PLCH2: variants seen among roughly 807,000 people sequenced by gnomAD.
PLCH2 encodes the protein phospholipase C eta 2.
Under a neutral mutation model 134.7 loss-of-function variants are expected in PLCH2, and 98 were observed. That is an observed-to-expected ratio of 0.73 (90% confidence interval 0.62 to 0.86). The LOEUF (loss-of-function observed/expected upper bound fraction) is 0.86. PLCH2 is among the 40% of genes least tolerant of loss of function. The probability of loss-of-function intolerance (pLI) is 0.00; values close to 1 mark genes in which losing one functional copy is unlikely to be tolerated. For synonymous variants in PLCH2, 974 were observed against 827.5 expected (o/e 1.18, Z -3.04); for missense variants, 1,994 against 1,986.6 (o/e 1.00, Z -0.07).
chr1:2,480,948 C>T (rs1335568426), intron 4 of PLCH2, among the ~76,000 whole-genome samples: 1 of 152,244 alleles, frequency 6.6e-6, no homozygotes, highest in Non-Finnish European at 1.5e-5. Context: ...TGCTTTGCTG[C>T]AGCTTGGAAA....
chr1:2,503,904 T>TCCCCCCCCCCCCCCCCCCCCCCC lies in PLCH2; in HGVS notation c.2960-13_2960-12insCCCCCCCCCCCCCCCCCCCCCCC. On this transcript the variant is annotated splice_polypyrimidine_tract_variant and intron_variant, in intron 21 of 21. Coordinates refer to ENST00000378486, the MANE Select transcript of PLCH2 (RefSeq NM_014638.4). ...GCTTCTCCCTCTGGCTCTCTCTCAC[T>TCCCCCCCCCCCCCCCCCCCCCCC]CCCCCACCTCCCCACAGACACCCGC... 2 of 694,070 alleles carry TCCCCCCCCCCCCCCCCCCCCCCC rather than the reference T, an allele frequency of 2.9e-6. No individual in the cohort carries two copies. Among genetic ancestry groups the TCCCCCCCCCCCCCCCCCCCCCCC allele is most frequent in the Admixed American group, 2.4e-5 (1 of 41,732 alleles). 43.0% of individuals were successfully genotyped at this position (694,070 alleles called of 1,614,324 possible).
intron 4 of PLCH2, among the ~76,000 whole-genome samples, chr1:2,482,576 T>C (rs566037252): frequency 1.3e-5 from 2 of 152,194 alleles, no homozygotes; most frequent in Non-Finnish European, 2.9e-5. Flanking sequence ...AGCCTGTCCC[T>C]GGGGTCCTGA....
chr1:2,501,894 G>C, intron 20 of PLCH2: 1 of 495,984 alleles, frequency 2.0e-6, no homozygotes, highest in Middle Eastern at 5.1e-4. Flanking sequence ...TGTGTACTTA[G>C]ATCTGTAGCA....
In PLCH2 at chr1:2,478,602, G is replaced by A. The variant is rs371340812; in HGVS notation, c.251G>A (p.Arg84His). The change falls in exon 2 of 22, where the codon CGC (arginine) becomes CAC (histidine). Residue 84 changes from arginine (R) to histidine (H), a missense_variant. Around this residue, in one of 2 missense-constraint regions of PLCH2, gnomAD observed 1,094 missense variants for 1,234.3 expected, o/e 0.89. Coordinates refer to ENST00000378486, the MANE Select transcript of PLCH2 (RefSeq NM_014638.4). ...HRSCIRWRPS[R>H]KNEKAKISID... is the part of the protein sequence containing the mutation. ...TCCTGCATCCGCTGGAGGCCCTCAC[G>A]CAAGAACGAGAAGGCCAAGAGTGAG... The A allele has an allele frequency of 5.0e-6, 8 of 1,610,672 alleles. No individual in the cohort carries two copies. Among genetic ancestry groups the A allele is most frequent in the African/African-American group, 2.7e-5 (2 of 74,908 alleles).
At position 2,444,080 on chromosome 1, in the gene PLCH2, G is replaced by C. The variant is rs2100535043; in HGVS notation, c.115+13451G>C. Among the ~76,000 whole-genome samples, 1 of 152,320 alleles carries C rather than the reference G, an allele frequency of 6.6e-6. No individual in the cohort carries two copies. Among genetic ancestry groups the C allele is most frequent in the East Asian group, 1.9e-4 (1 of 5,172 alleles). On this transcript the variant is annotated intron_variant, in intron 2 of 3. Transcript: ENST00000609981. The surrounding 1 kb of genome is among the most constrained non-coding windows in gnomAD (Gnocchi z 4.6). ...TCGGGGCTGAGCCGCCTGGGCTTCAGACTCGGGAGCGGAGGCTCGGATCGC... is the reference window on the plus strand; with the variant it reads ...TCGGGGCTGAGCCGCCTGGGCTTCACACTCGGGAGCGGAGGCTCGGATCGC...
In PLCH2 at chr1:2,505,431, C is replaced by T. The variant is rs756845575; in HGVS notation, c.*218C>T. 2.3e-5 allele frequency: 13 copies of T among 565,378 alleles called. No individual in the cohort carries two copies. The East Asian group carries it at 2.8e-4, about 12-fold the overall frequency. The allele number at this position is 565,378 out of a possible 1,614,324, so 35.0% of individuals were successfully genotyped here. On this transcript the variant is annotated 3_prime_UTR_variant, in exon 22 of 22. Coordinates refer to ENST00000378486, the MANE Select transcript of PLCH2 (RefSeq NM_014638.4). ...GGAGGGGCTTCGAGGCTGGCCCTGC[C>T]AGGCAGTTTTCCCGGCGTTTTAGGA...
intron 2 of PLCH2, among the ~76,000 whole-genome samples, chr1:2,445,797 G>T (rs549006836): frequency 2.7e-4 from 41 of 152,338 alleles, no homozygotes; most frequent in African/African-American, 9.1e-4. Context: ...GCCGTAAGCC[G>T]CAGCAGCCAG....
Position 2,448,834 on chromosome 1 carries a change from C to T in PLCH2, c.115+18205C>T, listed in dbSNP as rs12406134. Among the ~76,000 whole-genome samples, 7,105 of 152,256 alleles carry T rather than the reference C, an allele frequency of 0.047. 320 individuals are homozygous for T. The highest frequency in any genetic ancestry group is 0.17 in the East Asian group (875 of 5,152). On this transcript the variant is annotated intron_variant, in intron 2 of 3. Transcript: ENST00000609981. This position sits in a 1 kb window ranked among gnomAD's most constrained non-coding sequence, Gnocchi z 4.0. ...GGGTACTGGAGGCCTGGACGGGCCT[C>T]ACTCCATTCTTAGGGAGCGGCTGCT...
rs370644371 is a variant in PLCH2, at chr1:2,486,946, G to A, written c.856G>A (p.Glu286Lys). Residue 286 changes from glutamate (E) to lysine (K), a missense_variant, in exon 6 of 22, where the codon GAG becomes AAG. Physicochemically the swap from Glu to Lys is moderately conservative, Grantham distance 56. Around this residue, in one of 2 missense-constraint regions of PLCH2, gnomAD observed 1,094 missense variants for 1,234.3 expected, o/e 0.89. Coordinates refer to ENST00000378486, the MANE Select transcript of PLCH2 (RefSeq NM_014638.4). Reference sequence around the variant, plus strand: ...CCTCGAGAGCTGCCAGGACATCATCGAGCAGTTTGAGCCATGCCCAGAAAA... The same window carrying A: ...CCTCGAGAGCTGCCAGGACATCATCAAGCAGTTTGAGCCATGCCCAGAAAA... Reference protein sequence around the residue: ...VTLESCQDIIEQFEPCPENKS... With the variant: ...VTLESCQDIIKQFEPCPENKS... The A allele has an allele frequency of 1.9e-6, 3 of 1,608,542 alleles. No individual in the cohort carries two copies. The highest frequency in any genetic ancestry group is 1.1e-5 in the South Asian group (1 of 89,638).
intron 2 of PLCH2, among the ~76,000 whole-genome samples, chr1:2,431,420 C>T (rs1335649426): frequency 6.6e-6 from 1 of 152,124 alleles, no homozygotes; most frequent in African/African-American, 2.4e-5. Flanking sequence ...CCAGATATGC[C>T]CAGACAGGTC....
intron 2 of PLCH2, among the ~76,000 whole-genome samples, chr1:2,431,659 A>G (rs561979292): frequency 6.6e-5 from 10 of 152,142 alleles, no homozygotes; most frequent in Non-Finnish European, 8.8e-5. Context: ...ATGCAGAAAC[A>G]GTATCAGGTC....
At chr1:2,437,785 A>C (rs555897999) in intron 2 of PLCH2, among the ~76,000 whole-genome samples, 6 of 152,266 alleles carry the variant, frequency 3.9e-5, no homozygotes, top group South Asian at 4.1e-4. Context: ...ACCCACCCCC[A>C]CACACATAGG....
chr1:2,451,000 C>T (rs1352436377), intron 2 of PLCH2, among the ~76,000 whole-genome samples: 1 of 151,934 alleles, frequency 6.6e-6, no homozygotes, highest in Non-Finnish European at 1.5e-5. Context: ...CCCGCCTGTG[C>T]TAGGGATGTC....
chr1:2,419,797 A>T, the PLCH2 span, among the ~76,000 whole-genome samples: 1 of 151,938 alleles, frequency 6.6e-6, no homozygotes, highest in Non-Finnish European at 1.5e-5. Flanking sequence ...GCTCCACCAT[A>T]TTCATCCTTG....
At chr1:2,470,764 C>T (rs925315697) in intron 1 of PLCH2, among the ~76,000 whole-genome samples, 1 of 152,190 alleles carries the variant, frequency 6.6e-6, no homozygotes, top group South Asian at 2.1e-4. Context: ...GGCAGGAGCT[C>T]CCTCTCTCCC....
At chr1:2,489,711 TC>T in intron 9 of PLCH2, 48 bp from the exon 10 acceptor site, 1 of 1,445,538 alleles carries the variant, frequency 6.9e-7, no homozygotes, top group South Asian at 1.1e-5. Flanking sequence ...GGTACTGGCT[TC>T]CCAGCATTTT....
At position 2,431,132 on chromosome 1, in the gene PLCH2, CTGCGTG is replaced by C. The variant is rs747344737; in HGVS notation, c.115+518_115+523del. ...AGTGGCAGGCCTGTGGCTGGCTGCC[CTGCGTG>C]TGCGTGTGCGTGTGTGTGTGTGTGC... On this transcript the variant is annotated intron_variant, in intron 2 of 3. Transcript: ENST00000609981. 2.2e-4 allele frequency among the ~76,000 whole-genome samples: 33 copies of C among 152,256 alleles called. 1 individual carries two copies. The highest frequency in any genetic ancestry group is 6.7e-4 in the African/African-American group (28 of 41,552).
rs774732357 is a variant in PLCH2, at chr1:2,489,298, C to G, written c.1327C>G (p.Leu443Val). The G allele has an allele frequency of 1.9e-6, 3 of 1,613,854 alleles. No individual in the cohort carries two copies. Among genetic ancestry groups the G allele is most frequent in the South Asian group, 1.1e-5 (1 of 91,090 alleles). Reference protein sequence around the residue: ...QYLTDILGDKLDLSSVSSEDA... With the variant: ...QYLTDILGDKVDLSSVSSEDA... ...TCTGACTGACATCCTTGGGGACAAG[C>G]TGGACCTGTCATCAGTGAGCAGTGA... The change falls in exon 9 of 22, where the codon CTG becomes GTG. Residue 443 changes from leucine (L) to valine (V), a missense_variant. Coordinates refer to ENST00000378486, the MANE Select transcript of PLCH2 (RefSeq NM_014638.4).
chr1:2,416,493 G>T, the PLCH2 span, among the ~76,000 whole-genome samples: 1 of 152,178 alleles, frequency 6.6e-6, no homozygotes, highest in Non-Finnish European at 1.5e-5. Context: ...CCTGGGAGCC[G>T]CACTCCACCC....
Sources: allele counts gnomAD v4.1 joint callset (sites outside exome capture counted in the v4.1 genomes callset), GRCh38; gene constraint gnomAD v4.1.1; regional missense constraint gnomAD v4.1.1; non-coding constraint Gnocchi (gnomAD v3.1); transcripts MANE v1.5; gene names NCBI Gene and HGNC (gene_info 2026-07-23, HGNC 2026-07-21).